SKP1: variants seen among roughly 807,000 people sequenced by gnomAD.
The protein encoded by SKP1 is S-phase kinase-associated protein 1.
Under a neutral mutation model 21.5 loss-of-function variants are expected in SKP1, and 1 was observed. The observed-to-expected ratio is 0.05, with a 90% confidence interval of 0.02 to 0.22. The LOEUF is 0.22. Ranked by LOEUF, SKP1 falls within the 10% of genes least tolerant of loss-of-function variation. SKP1 has a pLI of 1.00. For synonymous variants in SKP1, 59 were observed against 59.3 expected, an observed-to-expected ratio of 0.99 and a Z score of 0.03; for missense variants, 70 against 192.0, an observed-to-expected ratio of 0.36 and a Z score of 3.76.
Position 134,154,172 on chromosome 5 carries a change from G to A in SKP1, c.*3561C>T, listed in dbSNP as rs1055515518. ...ACAACTTAAGAATTATTAGGGCCGT[G>A]TGCGGTGGGTCACACGTGTAACCTC... On this transcript the variant is annotated 3_prime_UTR_variant, in exon 6 of 6. Coordinates refer to ENST00000353411, the MANE Select transcript of SKP1 (RefSeq NM_170679.3). 2.6e-5 allele frequency: 4 copies of A among 152,176 alleles called. No individual in the cohort carries two copies. The highest frequency in any genetic ancestry group is 4.4e-5 in the Non-Finnish European group (3 of 68,038). 9.4% of individuals were successfully genotyped at this position (152,176 alleles called of 1,614,324 possible). A position where few individuals can be genotyped will look rare whatever the true frequency, so the allele number is the denominator to read the frequency against.
intron 2 of SKP1, among the ~76,000 whole-genome samples, chr5:134,168,357 A>T (rs1045516941): frequency 2.0e-5 from 3 of 152,220 alleles, no homozygotes; most frequent in African/African-American, 4.8e-5. Context: ...ACACACTAAA[A>T]ATACTAAAAA....
Position 134,173,917 on chromosome 5 carries a change from T to C in SKP1, c.97+9A>G. 1 of 1,523,924 alleles carries C rather than the reference T, an allele frequency of 6.6e-7. No individual in the cohort carries two copies. 94.4% of individuals were successfully genotyped at this position (1,523,924 alleles called of 1,614,324 possible). A position where few individuals can be genotyped will look rare whatever the true frequency, so the allele number is the denominator to read the frequency against. ...ATTTCCTCCCACCCAGGTTTTCCAA[T>C]GAACTTACCTTCCAACATGGTCTTA... is the stretch of plus-strand genomic sequence containing the variant. On this transcript the variant is annotated intron_variant, in intron 2 of 5. Transcript: ENST00000353411.
At position 134,154,094 on chromosome 5, in the gene SKP1, G is replaced by C. The variant is rs1375868877; in HGVS notation, c.*3639C>G. 5 of 152,130 alleles carry C rather than the reference G, an allele frequency of 3.3e-5. No homozygotes were observed. Among genetic ancestry groups the C allele is most frequent in the Non-Finnish European group, 7.4e-5 (5 of 68,024 alleles). The allele number at this position is 152,130 out of a possible 1,614,324, so 9.4% of individuals were successfully genotyped here. A position where few individuals can be genotyped will look rare whatever the true frequency, so the allele number is the denominator to read the frequency against. On this transcript the variant is annotated 3_prime_UTR_variant, in exon 6 of 6. Transcript: ENST00000353411. The stretch of plus-strand genomic sequence containing the variant: ...AAGCAGTATCTATTTTGTATACCAA[G>C]AATAGATTAAGGCAAGCTAACACAT...
chr5:134,162,337 C>T (rs1274555904), intron 3 of SKP1, among the ~76,000 whole-genome samples: 1 of 152,162 alleles, frequency 6.6e-6, no homozygotes, highest in African/African-American at 2.4e-5. Context: ...AGCAATTCAC[C>T]CACCTTGCCC....
chr5:134,173,012 CAAAAAAA>C (rs199935510), intron 2 of SKP1, among the ~76,000 whole-genome samples: 2 of 94,748 alleles, frequency 2.1e-5, no homozygotes, highest in Non-Finnish European at 4.5e-5. Context: ...GACTCCGTCT[CAAAAAAA>C]AAAAAAAAAA....
intron 2 of SKP1, among the ~76,000 whole-genome samples, chr5:134,170,736 A>C (rs940571633): frequency 6.6e-6 from 1 of 152,226 alleles, no homozygotes; most frequent in Admixed American, 6.5e-5. Flanking sequence ...CTAACTGCCT[A>C]TCCGTCCACT....
intron 2 of SKP1, 96 bp from the exon 3 acceptor site, chr5:134,167,339 T>G (rs1217309111): frequency 1.3e-6 from 1 of 775,952 alleles, no homozygotes; most frequent in African/African-American, 1.7e-5. Flanking sequence ...AGCCCCCATA[T>G]CCATGAGTTC....
chr5:134,150,300 T>G lies in SKP1; in HGVS notation c.*7433A>C, dbSNP rs1761026278. The G allele has an allele frequency of 6.6e-6, 1 of 152,190 alleles. No individual in the cohort carries two copies. The highest frequency in any genetic ancestry group is 6.5e-5 in the Admixed American group (1 of 15,286). The allele number at this position is 152,190 out of a possible 1,614,324, so 9.4% of individuals were successfully genotyped here. On this transcript the variant is annotated 3_prime_UTR_variant, in exon 6 of 6. Coordinates refer to ENST00000353411, the MANE Select transcript of SKP1 (RefSeq NM_170679.3). ...CCCATTCCTTCTGGCTGTGGACCCC[T>G]AACAGCTAGCTCAGAAGCACTGCAC...
intron 1 of SKP1, 32 bp from the exon 2 acceptor site, chr5:134,174,054 AAG>A (rs760025134): frequency 7.6e-6 from 10 of 1,314,088 alleles, no homozygotes; most frequent in African/African-American, 7.2e-5. Context: ...TATAAAATTT[AAG>A]AGAGAGAGTT....
chr5:134,170,123 T>C (rs899219374), intron 2 of SKP1, among the ~76,000 whole-genome samples: 15 of 152,148 alleles, frequency 9.9e-5, no homozygotes, highest in Middle Eastern at 6.8e-3. Flanking sequence ...GAGCCCGAGA[T>C]TGCGCCATTG....
In SKP1 at chr5:134,171,098, C is replaced by G. The variant is rs143976291; in HGVS notation, c.97+2828G>C. ...GAAGTTATCTTAAGTTACCAGAATACAGGACTTTAAAGGCCACTATGATTG... is the reference window on the plus strand; with the variant it reads ...GAAGTTATCTTAAGTTACCAGAATAGAGGACTTTAAAGGCCACTATGATTG... On this transcript the variant is annotated intron_variant, in intron 2 of 5. Transcript: ENST00000353411. 984 of 447,918 alleles carry G rather than the reference C, an allele frequency of 2.2e-3. 10 individuals are homozygous for G. Among genetic ancestry groups the G allele is most frequent in the African/African-American group, 0.018 (889 of 49,642 alleles). The allele number at this position is 447,918 out of a possible 1,614,324, so 27.7% of individuals were successfully genotyped here. A position where few individuals can be genotyped will look rare whatever the true frequency, so the allele number is the denominator to read the frequency against.
At chr5:134,162,835 G>A (rs1248436660) in intron 3 of SKP1, among the ~76,000 whole-genome samples, 1 of 152,038 alleles carries the variant, frequency 6.6e-6, no homozygotes, top group East Asian at 1.9e-4. Flanking sequence ...CAGCACTTTG[G>A]GAGGCTGAGG....
At chr5:134,170,362 A>G (rs1381638553) in intron 2 of SKP1, among the ~76,000 whole-genome samples, 3 of 152,164 alleles carry the variant, frequency 2.0e-5, no homozygotes, top group Non-Finnish European at 4.4e-5. Flanking sequence ...CTTTCAGACT[A>G]AATGCACAAG....
At chr5:134,167,549 T>TAA (rs1481988940) in intron 2 of SKP1, among the ~76,000 whole-genome samples, 3 of 151,494 alleles carry the variant, frequency 2.0e-5, no homozygotes. Context: ...TTGAGACAGA[T>TAA]TCTTGCTCTG....
At position 134,149,332 on chromosome 5, in the gene SKP1, T is replaced by G. The variant is rs1480444462; in HGVS notation, c.*8401A>C. The G allele has an allele frequency of 6.6e-6, 1 of 152,218 alleles. No individual in the cohort carries two copies. Among genetic ancestry groups the G allele is most frequent in the Non-Finnish European group, 1.5e-5 (1 of 68,042 alleles). 9.4% of individuals were successfully genotyped at this position (152,218 alleles called of 1,614,324 possible). On this transcript the variant is annotated 3_prime_UTR_variant, in exon 6 of 6. Transcript: ENST00000353411. ...AGCTCCCTACAACCCACTTTTTACA[T>G]GAGTTTCCACCAAGTACACTGCTGT...
In SKP1 at chr5:134,151,607, T is replaced by C. The variant is rs777841866; in HGVS notation, c.*6126A>G. ...GGCTGCTATATAGCAGGTTGAAAAT[T>C]TGAAGTTAAGAGATATCAGAAGGTC... is the stretch of plus-strand genomic sequence containing the variant. On this transcript the variant is annotated 3_prime_UTR_variant, in exon 6 of 6. Transcript: ENST00000353411. 30 of 451,618 alleles carry C rather than the reference T, an allele frequency of 6.6e-5. No individual in the cohort carries two copies. The highest frequency in any genetic ancestry group is 2.4e-4 in the African/African-American group (12 of 49,866). The allele number at this position is 451,618 out of a possible 1,614,324, so 28.0% of individuals were successfully genotyped here. A position where few individuals can be genotyped will look rare whatever the true frequency, so the allele number is the denominator to read the frequency against.
Position 134,173,026 on chromosome 5 carries a change from A to G in SKP1, c.97+900T>C, listed in dbSNP as rs537870490. ...AGACTCCGTCTCAAAAAAAAAAAAA[A>G]AAAGAAAATTAAAAAATCAGCTGGG... On this transcript the variant is annotated intron_variant, in intron 2 of 5. Transcript: ENST00000353411. Among the ~76,000 whole-genome samples the G allele has an allele frequency of 5.7e-4, 86 of 150,634 alleles. 1 individual carries two copies. Among genetic ancestry groups the G allele is most frequent in the African/African-American group, 2.0e-3 (80 of 40,902 alleles).
intron 2 of SKP1, chr5:134,173,701 C>T (rs1678527150): frequency 6.4e-6 from 4 of 622,248 alleles, no homozygotes; most frequent in South Asian, 6.1e-5. Context: ...TTTATTTTAC[C>T]TTATGATTTT....
chr5:134,160,701 AC>A (rs1375845489), intron 4 of SKP1, among the ~76,000 whole-genome samples: 7 of 152,220 alleles, frequency 4.6e-5, no homozygotes, highest in Non-Finnish European at 1.0e-4. Context: ...GTGTTAGTGT[AC>A]CGTATCTTCT....
Sources: allele counts gnomAD v4.1 joint callset (sites outside exome capture counted in the v4.1 genomes callset), GRCh38; gene constraint gnomAD v4.1.1; transcripts MANE v1.5; gene names NCBI Gene and HGNC (gene_info 2026-07-23, HGNC 2026-07-21).